The following ZNF407 variants were observed in gnomAD, a reference collection of about 807,000 sequenced individuals.
ZNF407 encodes the protein zinc finger protein 407.
ZNF407 carries 17 observed loss-of-function variants against 131.2 expected under a neutral mutation model. That is an observed-to-expected ratio of 0.13 (90% confidence interval 0.09 to 0.19). The LOEUF (loss-of-function observed/expected upper bound fraction) is 0.19, where lower values mean the gene tolerates loss of function less well. Among genes scored for constraint, ZNF407 ranks in the 10% least tolerant of loss-of-function variants. ZNF407 has a pLI of 1.00. For synonymous variants in ZNF407, 1,156 were observed against 1,062.0 expected (o/e 1.09, Z -1.72); for missense variants, 2,681 against 2,830.6 (o/e 0.95, Z 1.20).
At chr18:74,994,263 A>G (rs1972753060) in intron 8 of ZNF407, among the ~76,000 whole-genome samples, 1 of 152,366 alleles carries the variant, frequency 6.6e-6, no homozygotes. Flanking sequence ...GTGTATATAT[A>G]GAAAGAGTAG....
intron 4 of ZNF407, among the ~76,000 whole-genome samples, chr18:74,793,703 G>T (rs571128432): frequency 6.6e-6 from 1 of 152,346 alleles, no homozygotes; most frequent in East Asian, 1.9e-4. Flanking sequence ...ATGATGAGAA[G>T]AGTTGGGTTT....
At chr18:74,769,624 T>G (rs935795628) in intron 3 of ZNF407, among the ~76,000 whole-genome samples, 1 of 152,202 alleles carries the variant, frequency 6.6e-6, no homozygotes, top group Non-Finnish European at 1.5e-5. Context: ...AATTCAGACA[T>G]TAATGATCTC....
At chr18:74,928,510 A>G (rs980227205) in intron 8 of ZNF407, among the ~76,000 whole-genome samples, 27 of 152,242 alleles carry the variant, frequency 1.8e-4, no homozygotes, top group African/African-American at 4.8e-4. Context: ...GATTCTCTAC[A>G]GAATGCAAAT....
At chr18:74,940,560 C>G (rs933460663) in intron 8 of ZNF407, among the ~76,000 whole-genome samples, 1 of 152,218 alleles carries the variant, frequency 6.6e-6, no homozygotes, top group South Asian at 2.1e-4. Context: ...GATTTTGAAC[C>G]AAGAAGAAGG....
intron 2 of ZNF407, among the ~76,000 whole-genome samples, chr18:74,640,522 T>C (rs1278635): frequency 0.01 from 1,574 of 152,240 alleles, 28 homozygotes; most frequent in African/African-American, 0.035. Context: ...AAATATACCA[T>C]TGTTTTAATG....
chr18:74,835,023 G>A (rs564961249), intron 4 of ZNF407, among the ~76,000 whole-genome samples: 4 of 152,308 alleles, frequency 2.6e-5, no homozygotes, highest in East Asian at 1.9e-4. Flanking sequence ...TAGATAGGAG[G>A]CAAATTCCCC....
chr18:74,633,498 A>C lies in ZNF407; in HGVS notation c.2479A>C (p.Ser827Arg). The C allele has an allele frequency of 6.2e-7, 1 of 1,614,032 alleles. No individual in the cohort carries two copies. Among genetic ancestry groups the C allele is most frequent in the Non-Finnish European group, 8.5e-7 (1 of 1,179,880 alleles). ...ASEELSQSGG[S>R]TKDDELASTT... ...TGAGGAACTGTCACAGTCTGGTGGT[A>C]GCACCAAAGATGATGAATTAGCTTC... Residue 827 changes from serine (S) to arginine (R), a missense_variant, in exon 2 of 9, where the codon AGC becomes CGC. Coordinates refer to ENST00000299687, the MANE Select transcript of ZNF407 (RefSeq NM_017757.3).
intron 7 of ZNF407, among the ~76,000 whole-genome samples, chr18:74,893,054 G>A (rs546489203): frequency 3.5e-4 from 54 of 152,130 alleles, no homozygotes; most frequent in African/African-American, 1.0e-3. Context: ...TGTATTATAC[G>A]TTTTACTAAG....
intron 1 of ZNF407, among the ~76,000 whole-genome samples, chr18:74,615,933 G>C (rs1983269132): frequency 6.6e-6 from 1 of 151,852 alleles, no homozygotes; most frequent in East Asian, 1.9e-4. Context: ...GCATGATCTC[G>C]GCTCACTGCA....
At chr18:74,713,358 C>CTTTTTTTTTTTTTT (rs5826345) in intron 3 of ZNF407, among the ~76,000 whole-genome samples, 4 of 84,474 alleles carry the variant, frequency 4.7e-5, no homozygotes, top group Non-Finnish European at 5.0e-5. Flanking sequence ...ATTTTAGCAT[C>CTTTTTTTTTTTTTT]TTTTTTTTTT....
intron 8 of ZNF407, among the ~76,000 whole-genome samples, chr18:75,055,265 A>G (rs1278741554): frequency 1.3e-5 from 2 of 152,230 alleles, no homozygotes; most frequent in Admixed American, 6.5e-5. Flanking sequence ...TTAAAGTGCC[A>G]TCTCATCGCC....
intron 8 of ZNF407, among the ~76,000 whole-genome samples, chr18:75,008,844 T>A (rs894486304): frequency 6.6e-6 from 1 of 152,196 alleles, no homozygotes; most frequent in African/African-American, 2.4e-5. Flanking sequence ...AAAGATATAA[T>A]TTTTTTCCCA....
chr18:74,617,559 T>C (rs1983369982), intron 1 of ZNF407, among the ~76,000 whole-genome samples: 1 of 152,220 alleles, frequency 6.6e-6, no homozygotes, highest in African/African-American at 2.4e-5. Context: ...TTTTCTTTCC[T>C]CTTTAAACAA....
intron 1 of ZNF407, among the ~76,000 whole-genome samples, chr18:74,602,929 G>A (rs1472435043): frequency 1.3e-5 from 2 of 151,970 alleles, no homozygotes; most frequent in Non-Finnish European, 2.9e-5. Context: ...CAGGGAAAAT[G>A]CCTCAGGGGG....
At position 74,723,909 on chromosome 18, in the gene ZNF407, G is replaced by A. The variant is rs1037977660; in HGVS notation, c.4803-57519G>A. 4.9e-5 allele frequency among the ~76,000 whole-genome samples: 6 copies of A among 122,952 alleles called. No homozygotes were observed. The East Asian group carries it at 1.7e-3, about 35-fold the overall frequency. 80.7% of individuals were successfully genotyped at this position (122,952 alleles called of 152,430 possible). A position where few individuals can be genotyped will look rare whatever the true frequency, so the allele number is the denominator to read the frequency against. ...ATACAGTTATTTAAAAAAAAATTTG[G>A]TCCAGACTTTTTAGCTCTTCTGGTG... On this transcript the variant is annotated intron_variant, in intron 3 of 8. Transcript: ENST00000299687.
rs191974404 is a variant in ZNF407, at chr18:74,759,468, A to C, written c.4803-21960A>C. On this transcript the variant is annotated intron_variant, in intron 3 of 8. Coordinates refer to ENST00000299687, the MANE Select transcript of ZNF407 (RefSeq NM_017757.3). ...TACTATGTTTCTTATTATGTCCTTA[A>C]TATTATGTCCTTATTAATTTCTTAT... Among the ~76,000 whole-genome samples, 74 of 151,900 alleles carry C rather than the reference A, an allele frequency of 4.9e-4. 1 individual carries two copies. In the East Asian group the frequency reaches 0.011, roughly 23 times the overall value.
chr18:74,815,671 G>T (rs1278850954), intron 4 of ZNF407, among the ~76,000 whole-genome samples: 1 of 152,134 alleles, frequency 6.6e-6, no homozygotes, highest in Non-Finnish European at 1.5e-5. Context: ...AAAAGCTTCA[G>T]TAACTTGCCT....
chr18:74,932,276 G>A (rs1971991536), intron 8 of ZNF407, among the ~76,000 whole-genome samples: 1 of 152,052 alleles, frequency 6.6e-6, no homozygotes, highest in Admixed American at 6.5e-5. Context: ...TTTTTCAGCA[G>A]TATTTATTGA....
chr18:74,771,455 A>G (rs1157472770), intron 3 of ZNF407, among the ~76,000 whole-genome samples: 1 of 152,126 alleles, frequency 6.6e-6, no homozygotes, highest in Admixed American at 6.5e-5. Context: ...AGTCTTGATT[A>G]AACAATATAA....
Sources: allele counts gnomAD v4.1 joint callset (sites outside exome capture counted in the v4.1 genomes callset), GRCh38; gene constraint gnomAD v4.1.1; transcripts MANE v1.5; gene names NCBI Gene and HGNC (gene_info 2026-07-23, HGNC 2026-07-21).